The following CLCN4 variants were observed in gnomAD, a reference collection of about 807,000 sequenced individuals.
CLCN4 encodes H(+)/Cl(-) exchange transporter 4.
A neutral mutation model predicts 41.7 loss-of-function variants in CLCN4; 1 was observed. The observed-to-expected ratio is 0.02, with a 90% confidence interval of 0.01 to 0.11. The LOEUF (loss-of-function observed/expected upper bound fraction) is 0.11, where lower values mean the gene tolerates loss of function less well. Among genes scored for constraint, CLCN4 ranks in the 10% least tolerant of loss-of-function variants. CLCN4 has a pLI of 1.00. For missense variants in CLCN4, 287 were observed against 661.0 expected, an observed-to-expected ratio of 0.43 and a Z score of 6.20; for synonymous variants, 277 against 285.8, an observed-to-expected ratio of 0.97 and a Z score of 0.31.
At position 10,237,580 on chromosome X, in the gene CLCN4, T is replaced by A. The variant is rs964718992; in HGVS notation, c.*3996T>A. The A allele has an allele frequency of 4.5e-5, 5 of 112,039 alleles. No individual in the cohort carries two copies. Among genetic ancestry groups the A allele is most frequent in the South Asian group, 3.7e-4 (1 of 2,678 alleles). The allele number at this position is 112,039 out of a possible 1,213,427, so 9.2% of individuals were successfully genotyped here. The stretch of plus-strand genomic sequence containing the variant: ...TTTATTGTAACACTCTGTGTAAACG[T>A]TGACACCTTATTAAATATTAAATGT... On this transcript the variant is annotated 3_prime_UTR_variant, in exon 13 of 13. Transcript: ENST00000380833.
chrX:10,158,841 C>T (rs746750227), intron 2 of CLCN4, among the ~76,000 whole-genome samples: 2 of 113,464 alleles, frequency 1.8e-5, no homozygotes, highest in South Asian at 7.1e-4. Context: ...ACCGCTCCGG[C>T]GGGGGAACAA....
chrX:10,212,837 G>GGA (rs748463596), intron 10 of CLCN4, among the ~76,000 whole-genome samples, 184 bp downstream of exon 10: 1 of 106,564 alleles, frequency 9.4e-6, no homozygotes, highest in Non-Finnish European at 1.9e-5. Context: ...CGCTCACTAT[G>GGA]CAGACACACA....
intron 6 of CLCN4, among the ~76,000 whole-genome samples, chrX:10,200,045 C>A (rs982154964): frequency 8.9e-6 from 1 of 112,179 alleles, no homozygotes; most frequent in African/African-American, 3.2e-5. Flanking sequence ...GCCGCCACGC[C>A]TGGCCTTCTT....
chrX:10,215,502 G>A (rs1239644126), intron 11 of CLCN4, among the ~76,000 whole-genome samples: 2 of 111,873 alleles, frequency 1.8e-5, no homozygotes, highest in African/African-American at 6.5e-5. Context: ...TAACGGGTAG[G>A]TAGGTGCCTT....
chrX:10,175,231 G>A (rs1366241536), intron 2 of CLCN4, among the ~76,000 whole-genome samples: 2 of 111,778 alleles, frequency 1.8e-5, no homozygotes, highest in African/African-American at 3.3e-5. Context: ...TCTGAAGGCC[G>A]TGGGGAGGAT....
chrX:10,216,964 CAAT>C (rs2147185745), intron 11 of CLCN4, among the ~76,000 whole-genome samples: 1 of 90,545 alleles, frequency 1.1e-5, no homozygotes, highest in African/African-American at 4.0e-5. Context: ...AGTAGACAGA[CAAT>C]AACTTGTAAA....
chrX:10,236,523 C>T lies in CLCN4; in HGVS notation c.*2939C>T, dbSNP rs916013435. 1.8e-5 allele frequency: 2 copies of T among 111,242 alleles called. No individual in the cohort carries two copies. Among genetic ancestry groups the T allele is most frequent in the African/African-American group, 3.3e-5 (1 of 30,543 alleles). The allele number at this position is 111,242 out of a possible 1,213,427, so 9.2% of individuals were successfully genotyped here. A position where few individuals can be genotyped will look rare whatever the true frequency, so the allele number is the denominator to read the frequency against. ...TGGAGTCCTAACTCAGCCATGTGGT[C>T]CACTCACCCAGGGGCCCGGGGGCTC... is the stretch of plus-strand genomic sequence containing the variant. On this transcript the variant is annotated 3_prime_UTR_variant, in exon 13 of 13. Coordinates refer to ENST00000380833, the MANE Select transcript of CLCN4 (RefSeq NM_001830.4).
chrX:10,216,747 T>C lies in CLCN4; in HGVS notation c.1975+2668T>C, dbSNP rs766921465. 1.9e-3 allele frequency among the ~76,000 whole-genome samples: 202 copies of C among 105,091 alleles called. 2 individuals carry two copies. The highest frequency in any genetic ancestry group is 2.9e-3 in the Non-Finnish European group (147 of 51,085). 91.3% of individuals were successfully genotyped at this position (105,091 alleles called of 115,157 possible). ...GCTTAGTTGCAGAAAGGGGTCTACA[T>C]CCAGCACTGAACAAGAAGCTAAGTG... On this transcript the variant is annotated intron_variant, in intron 11 of 12. Coordinates refer to ENST00000380833, the MANE Select transcript of CLCN4 (RefSeq NM_001830.4).
chrX:10,163,598 G>A (rs1296242633), intron 2 of CLCN4, among the ~76,000 whole-genome samples: 1 of 110,638 alleles, frequency 9.0e-6, no homozygotes. Context: ...GTAGAGACGA[G>A]TTTCACCATG....
At position 10,201,941 on chromosome X, in the gene CLCN4, C is replaced by G. The variant is rs150002354; in HGVS notation, c.555+3880C>G. Reference sequence around the variant, plus strand: ...TAAGCTATGATTGCACCACTGCACTCCAGCCCGGACAACAGAGCAAGACCT... The same window carrying G: ...TAAGCTATGATTGCACCACTGCACTGCAGCCCGGACAACAGAGCAAGACCT... On this transcript the variant is annotated intron_variant, in intron 6 of 12. Coordinates refer to ENST00000380833, the MANE Select transcript of CLCN4 (RefSeq NM_001830.4). Among the ~76,000 whole-genome samples the G allele has an allele frequency of 8.9e-3, 992 of 111,209 alleles. 11 individuals are homozygous for G. The highest frequency in any genetic ancestry group is 0.033 in the Middle Eastern group (7 of 215).
chrX:10,212,593 C>T lies in CLCN4; in HGVS notation c.1516C>T (p.Pro506Ser), dbSNP rs1924588459. 1 of 1,209,665 alleles carries T rather than the reference C, an allele frequency of 8.3e-7. No homozygotes were observed. The highest frequency in any genetic ancestry group is 1.8e-5 in the African/African-American group (1 of 57,063). The change falls in exon 10 of 13, where the codon CCC (proline) becomes TCC (serine). Residue 506 changes from proline to serine, a missense_variant. Pro to Ser is a moderately conservative substitution (Grantham distance 74, BLOSUM62 -1). Around this residue, in one of 6 missense-constraint regions of CLCN4, gnomAD observed 94 missense variants for 177.9 expected, o/e 0.53. Transcript: ENST00000380833. The part of the protein sequence containing the change: ...DWIIFRNWCR[P>S]GADCVTPGLY... ...GATCATCTTCAGGAACTGGTGCAGA[C>T]CCGGTGCAGACTGTGTCACGCCAGG...
intron 2 of CLCN4, among the ~76,000 whole-genome samples, chrX:10,174,947 T>C (rs1923479448): frequency 8.9e-6 from 1 of 112,365 alleles, no homozygotes; most frequent in Non-Finnish European, 1.9e-5. Flanking sequence ...GTTAATTTAC[T>C]TCTGCCCGTT....
At chrX:10,164,402 G>A (rs1923191752) in intron 2 of CLCN4, among the ~76,000 whole-genome samples, 1 of 111,997 alleles carries the variant, frequency 8.9e-6, no homozygotes, top group African/African-American at 3.3e-5. Context: ...TGGCAGTTGT[G>A]GTGTCAACCC....
chrX:10,179,116 A>G (rs1475570268), intron 2 of CLCN4, among the ~76,000 whole-genome samples: 2 of 112,678 alleles, frequency 1.8e-5, no homozygotes, highest in Non-Finnish European at 3.7e-5. Flanking sequence ...AATGACAGAT[A>G]ATCACAGCTG....
At position 10,212,577 on chromosome X, in the gene CLCN4, C is replaced by T. The variant is rs756536616; in HGVS notation, c.1500C>T (p.Phe500=). 8.3e-6 allele frequency: 10 copies of T among 1,209,932 alleles called. No homozygotes were observed. The African/African-American group carries it at 1.1e-4, about 13-fold the overall frequency. Residue 500 remains phenylalanine, a synonymous_variant, in exon 10 of 13, where the codon TTC becomes TTT. Transcript: ENST00000380833. ...LAYHHHDWII[F]RNWCRPGADC... is the part of the protein sequence containing the mutation. ...ACCATCACCATGACTGGATCATCTT[C>T]AGGAACTGGTGCAGACCCGGTGCAG...
At chrX:10,228,477 T>C (rs978664729) in intron 12 of CLCN4, among the ~76,000 whole-genome samples, 1 of 110,412 alleles carries the variant, frequency 9.1e-6, no homozygotes, top group Non-Finnish European at 1.9e-5. Context: ...CCAACGACAG[T>C]GGGGAGTAGA....
chrX:10,164,210 T>C (rs5934783), intron 2 of CLCN4, among the ~76,000 whole-genome samples: 26,860 of 111,422 alleles, frequency 0.24, 2,519 homozygotes, highest in African/African-American at 0.33. Context: ...GAGAGCCACT[T>C]GAGCACGGTG....
chrX:10,159,441 T>C (rs1349532914), intron 2 of CLCN4, among the ~76,000 whole-genome samples: 5 of 110,316 alleles, frequency 4.5e-5, no homozygotes, highest in African/African-American at 1.7e-4. Context: ...TAATGGACTG[T>C]TTCTAGAGCG....
intron 2 of CLCN4, among the ~76,000 whole-genome samples, chrX:10,167,671 G>A (rs1235715751): frequency 2.7e-5 from 3 of 112,527 alleles, no homozygotes; most frequent in African/African-American, 9.7e-5. Context: ...GGATGCCAGC[G>A]AGCAAGTTGG....
Sources: gnomAD v4.1 joint callset for allele counts (sites outside exome capture counted in the v4.1 genomes callset) on GRCh38, gnomAD v4.1.1 for gene constraint, gnomAD v4.1.1 regional missense constraint, MANE v1.5 for transcripts, NCBI Gene and HGNC (gene_info 2026-07-23, HGNC 2026-07-21) for gene names.